ANKHD1: variants seen among roughly 807,000 people sequenced by gnomAD.
ANKHD1 encodes the protein ankyrin repeat and KH domain-containing protein 1.
In ANKHD1, 31 loss-of-function variants were observed where a neutral mutation model predicts 230.5. The observed-to-expected ratio is 0.13, with a 90% CI of 0.10 to 0.18. The LOEUF (loss-of-function observed/expected upper bound fraction) is 0.18. Among genes scored for constraint, ANKHD1 ranks in the 10% least tolerant of loss-of-function variants. The pLI is 1.00. For missense variants in ANKHD1, 2,256 were observed against 3,071.3 expected, an observed-to-expected ratio of 0.73 and a Z score of 6.27; for synonymous variants, 1,074 against 1,117.6, an observed-to-expected ratio of 0.96 and a Z score of 0.78.
intron 1 of ANKHD1, among the ~76,000 whole-genome samples, chr5:140,412,344 T>TA: frequency 6.6e-6 from 1 of 152,182 alleles, no homozygotes. Context: ...TTTTTGTAGT[T>TA]ACAAGGTCTC....
intron 5 of ANKHD1, among the ~76,000 whole-genome samples, chr5:140,444,867 T>C (rs1481865300): frequency 1.3e-5 from 2 of 152,218 alleles, no homozygotes; most frequent in African/African-American, 4.8e-5. Context: ...ATAGATTTGC[T>C]TTTCTGGCCT....
intron 7 of ANKHD1, among the ~76,000 whole-genome samples, chr5:140,455,899 A>C (rs1342783413): frequency 6.6e-6 from 1 of 152,212 alleles, no homozygotes. Context: ...AAGGGTATTC[A>C]ATTAGGAAAA....
chr5:140,529,469 G>C lies in ANKHD1; in HGVS notation c.6523G>C (p.Ala2175Pro). The change falls in exon 29 of 34, where the codon GCT becomes CCT. Residue 2175 changes from alanine to proline, a missense_variant. Physicochemically the swap from Ala to Pro is conservative, Grantham distance 27 (BLOSUM62 -1). Coordinates refer to ENST00000360839, the MANE Select transcript of ANKHD1 (RefSeq NM_017747.3). ...TTTAACACCACCTCAAGGCCCACCA[G>C]CTGCAGTGCAGCTTTCTTCAGCTGT... ...VTLTPPQGPP[A>P]AVQLSSAVNI... The C allele has an allele frequency of 6.2e-7, 1 of 1,614,188 alleles. No individual in the cohort carries two copies. Among genetic ancestry groups the C allele is most frequent in the Non-Finnish European group, 8.5e-7 (1 of 1,180,034 alleles).
chr5:140,474,150 TA>T (rs1421596133), intron 10 of ANKHD1, among the ~76,000 whole-genome samples: 1 of 152,260 alleles, frequency 6.6e-6, no homozygotes, highest in Non-Finnish European at 1.5e-5. Context: ...GAAAATGTGC[TA>T]AACACAAGCC....
chr5:140,431,607 A>G (rs1773050661), intron 1 of ANKHD1, among the ~76,000 whole-genome samples: 2 of 152,240 alleles, frequency 1.3e-5, no homozygotes. Flanking sequence ...AGGAAGAAAT[A>G]GAATGTCAGA....
chr5:140,457,904 G>T (rs1775339406), intron 7 of ANKHD1, among the ~76,000 whole-genome samples: 1 of 151,722 alleles, frequency 6.6e-6, no homozygotes, highest in Admixed American at 6.6e-5. Flanking sequence ...AATTAAAGAA[G>T]GATATTTATG....
At chr5:140,493,838 TAGAC>T (rs1253665641) in intron 14 of ANKHD1, among the ~76,000 whole-genome samples, 3 of 152,216 alleles carry the variant, frequency 2.0e-5, no homozygotes, top group East Asian at 3.8e-4. Context: ...GTTAACAAGA[TAGAC>T]AGGGCCATTC....
intron 10 of ANKHD1, among the ~76,000 whole-genome samples, chr5:140,479,169 G>GT (rs1019508455): frequency 1.6e-3 from 229 of 146,892 alleles, no homozygotes; most frequent in African/African-American, 3.9e-3. Context: ...GGCTAATTTT[G>GT]TTTTTTTTTG....
At chr5:140,509,970 G>A (rs1362121533) in intron 21 of ANKHD1, 49 bp from the exon 22 acceptor site, 1 of 1,555,784 alleles carries the variant, frequency 6.4e-7, no homozygotes, top group Non-Finnish European at 8.7e-7. Flanking sequence ...ACTAGAAAAA[G>A]CCAGCCTCTT....
intron 4 of ANKHD1, among the ~76,000 whole-genome samples, chr5:140,440,651 A>G (rs1437276063): frequency 1.3e-5 from 2 of 152,232 alleles, no homozygotes; most frequent in Non-Finnish European, 2.9e-5. Flanking sequence ...AGTACTGGGA[A>G]TTAACCATGT....
chr5:140,495,445 C>G (rs1399712583), intron 14 of ANKHD1, among the ~76,000 whole-genome samples: 4 of 151,986 alleles, frequency 2.6e-5, no homozygotes, highest in Non-Finnish European at 5.9e-5. Context: ...CGGGGTTTCA[C>G]CGTGTTAGCC....
chr5:140,457,898 AAAG>A (rs1775339031), intron 7 of ANKHD1, among the ~76,000 whole-genome samples: 1 of 152,156 alleles, frequency 6.6e-6, no homozygotes, highest in South Asian at 2.1e-4. Flanking sequence ...ATTTGAAATT[AAAG>A]AAGGATATTT....
intron 24 of ANKHD1, among the ~76,000 whole-genome samples, chr5:140,520,696 G>A (rs1753298278): frequency 6.8e-6 from 1 of 147,312 alleles, no homozygotes; most frequent in Non-Finnish European, 1.5e-5. Flanking sequence ...ACCAAACACC[G>A]CATATTCTCA....
Position 140,414,829 on chromosome 5 carries a change from C to T in ANKHD1, c.306+12556C>T, listed in dbSNP as rs1330086516. ...TCCAGCCTGGGTGACAAGAGTGAGA[C>T]CCTGTCTCAAAAAAAAAAAAAAATT... On this transcript the variant is annotated intron_variant, in intron 1 of 33. Coordinates refer to ENST00000360839, the MANE Select transcript of ANKHD1 (RefSeq NM_017747.3). Among the ~76,000 whole-genome samples the T allele has an allele frequency of 3.5e-5, 4 of 115,608 alleles. No individual in the cohort carries two copies. In the Admixed American group the frequency reaches 3.7e-4, roughly 11 times the overall value. 75.8% of individuals were successfully genotyped at this position (115,608 alleles called of 152,430 possible).
chr5:140,428,058 C>T (rs1418534635), intron 1 of ANKHD1, among the ~76,000 whole-genome samples: 4 of 151,828 alleles, frequency 2.6e-5, no homozygotes, highest in Non-Finnish European at 5.9e-5. Flanking sequence ...CAGAGACGCT[C>T]CTCACTTCCT....
Position 140,537,810 on chromosome 5 carries a change from C to G in ANKHD1, c.7228+221C>G, listed in dbSNP as rs529014188. ...TAGAGTTAATCAGAAACAAAAGATT[C>G]AAAGTGTGTGTCCTTTCTCTCTTAA... On this transcript the variant is annotated intron_variant, in intron 31 of 33. Coordinates refer to ENST00000360839, the MANE Select transcript of ANKHD1 (RefSeq NM_017747.3). 1.5e-5 allele frequency: 13 copies of G among 889,792 alleles called. No individual in the cohort carries two copies. The African/African-American group carries it at 2.1e-4, about 14-fold the overall frequency. 55.1% of individuals were successfully genotyped at this position (889,792 alleles called of 1,614,324 possible). A position where few individuals can be genotyped will look rare whatever the true frequency, so the allele number is the denominator to read the frequency against.
At chr5:140,428,058 CCT>C (rs1463062892) in intron 1 of ANKHD1, among the ~76,000 whole-genome samples, 1 of 151,828 alleles carries the variant, frequency 6.6e-6, no homozygotes, top group African/African-American at 2.4e-5. Flanking sequence ...CAGAGACGCT[CCT>C]CACTTCCTAG....
intron 24 of ANKHD1, among the ~76,000 whole-genome samples, chr5:140,523,183 G>GCTCCTATATATAGTTTGAGA (rs1464452603): frequency 7.2e-6 from 1 of 138,426 alleles, no homozygotes; most frequent in East Asian, 2.2e-4. Flanking sequence ...CATGATTATA[G>GCTCCTATATATAGTTTGAGA]CTCACTAGAG....
Position 140,512,931 on chromosome 5 carries a change from T to G in ANKHD1, c.4200+8T>G. 6.3e-7 allele frequency: 1 copy of G among 1,588,490 alleles called. No homozygotes were observed. Among genetic ancestry groups the G allele is most frequent in the African/African-American group, 1.4e-5 (1 of 73,634 alleles). ...GCAACAATTACAGATAAGGTAAGTT[T>G]AATATGCTACTGAAGCACATTTTTG... On this transcript the variant is annotated splice_region_variant and intron_variant, in intron 23 of 33. Coordinates refer to ENST00000360839, the MANE Select transcript of ANKHD1 (RefSeq NM_017747.3).
Sources: allele counts gnomAD v4.1 joint callset (sites outside exome capture counted in the v4.1 genomes callset), GRCh38; gene constraint gnomAD v4.1.1; transcripts MANE v1.5; gene names NCBI Gene and HGNC (gene_info 2026-07-23, HGNC 2026-07-21).